ZNF200: variants seen among roughly 807,000 people sequenced by gnomAD.
ZNF200 encodes zinc finger protein 200.
A neutral mutation model predicts 33.6 loss-of-function variants in ZNF200; 35 were observed. The observed-to-expected ratio is 1.04, with a 90% confidence interval of 0.80 to 1.38. The LOEUF (loss-of-function observed/expected upper bound fraction) is 1.38, where lower values mean the gene tolerates loss of function less well. Among genes scored for constraint, ZNF200 ranks in the 40% most tolerant of loss-of-function variants. ZNF200 has a pLI of 0.00. For missense variants in ZNF200, 592 were observed against 470.6 expected, an observed-to-expected ratio of 1.26 and a Z score of -2.39; for synonymous variants, 209 against 167.7, an observed-to-expected ratio of 1.25 and a Z score of -1.90.
chr16:3,224,609 G>T lies in ZNF200; in HGVS notation c.471C>A (p.Val157=). The change falls in exon 5 of 5, where the codon GTC becomes GTA. Residue 157 remains valine, a synonymous_variant. Transcript: ENST00000414144. ...CTTCACCTTCAGGATTACTGCCATT[G>T]ACTGCTGAAACAAAGAGAGAATTTA... ...SSVGEMMLLA[V]NGSNPEGEDP... 1 of 1,586,990 alleles carries T rather than the reference G, an allele frequency of 6.3e-7. No homozygotes were observed. Among genetic ancestry groups the T allele is most frequent in the South Asian group, 1.1e-5 (1 of 88,148 alleles).
At chr16:3,232,768 A>G in intron 3 of ZNF200, 65 bp downstream of exon 3, 1 of 1,548,380 alleles carries the variant, frequency 6.5e-7, no homozygotes, top group Non-Finnish European at 8.9e-7. Context: ...ATGTGTTTTT[A>G]CACACAGGTT....
At chr16:3,233,170 G>C (rs919812428) in intron 2 of ZNF200, among the ~76,000 whole-genome samples, 3 of 152,286 alleles carry the variant, frequency 2.0e-5, no homozygotes, top group African/African-American at 4.8e-5. Context: ...CTAAAGGAGA[G>C]CTTAGGGCAA....
At chr16:3,232,065 G>A (rs1483825341) in intron 4 of ZNF200, among the ~76,000 whole-genome samples, 5 of 152,160 alleles carry the variant, frequency 3.3e-5, no homozygotes, top group Non-Finnish European at 7.4e-5. Flanking sequence ...ACATCAAAAA[G>A]GGGAGGGGGA....
In ZNF200 at chr16:3,223,596, C is replaced by A. The variant is rs1567214773; in HGVS notation, c.*296G>T. 3.7e-6 allele frequency: 1 copy of A among 272,474 alleles called. No homozygotes were observed. The highest frequency in any genetic ancestry group is 6.8e-6 in the Non-Finnish European group (1 of 146,536). 16.9% of individuals were successfully genotyped at this position (272,474 alleles called of 1,614,324 possible). Reference sequence around the variant, plus strand: ...CTTCCAAGTAAGCAGACTCCAGATTCATCTTCAAAGTGTTGGGAAAGGGGA... The same window carrying A: ...CTTCCAAGTAAGCAGACTCCAGATTAATCTTCAAAGTGTTGGGAAAGGGGA... On this transcript the variant is annotated 3_prime_UTR_variant, in exon 5 of 5. Coordinates refer to ENST00000414144, the MANE Select transcript of ZNF200 (RefSeq NM_198088.3).
At position 3,232,455 on chromosome 16, in the gene ZNF200, TTCC is replaced by T; in HGVS notation, c.429_431del (p.Glu144del). On this transcript the variant is annotated inframe_deletion, in exon 4 of 5. Coordinates refer to ENST00000414144, the MANE Select transcript of ZNF200 (RefSeq NM_198088.3). Reference sequence around the variant, plus strand: ...TCATTTCCCCGACACTGCTGTCATCTTCCTTCTCTGACGTGAGTTGTTGAGTAG... The same window carrying T: ...TCATTTCCCCGACACTGCTGTCATCTTTCTCTGACGTGAGTTGTTGAGTAG... The T allele has an allele frequency of 6.2e-7, 1 of 1,614,130 alleles. No individual in the cohort carries two copies. The highest frequency in any genetic ancestry group is 8.5e-7 in the Non-Finnish European group (1 of 1,179,966).
At position 3,224,488 on chromosome 16, in the gene ZNF200, C is replaced by T. The variant is rs149793470; in HGVS notation, c.592G>A (p.Asp198Asn). 84 of 1,614,114 alleles carry T rather than the reference C, an allele frequency of 5.2e-5. 1 individual carries two copies. Among genetic ancestry groups the T allele is most frequent in the South Asian group, 2.0e-4 (18 of 91,078 alleles). ...TTTAGTCGTTCCTTTTCCTGGTTATCGGGAGGCTGCTGAGAGACCAAGGAA... is the reference window on the plus strand; with the variant it reads ...TTTAGTCGTTCCTTTTCCTGGTTATTGGGAGGCTGCTGAGAGACCAAGGAA... ...DSSLVSQQPP[D>N]NQEKERLNTS... Residue 198 changes from aspartate to asparagine, a missense_variant, in exon 5 of 5, where the codon GAT becomes AAT. By Grantham distance (23) the Asp-to-Asn change is conservative. Coordinates refer to ENST00000414144, the MANE Select transcript of ZNF200 (RefSeq NM_198088.3).
In ZNF200 at chr16:3,235,095, C is replaced by A. The variant is rs980030544; in HGVS notation, c.-190G>T. 4 of 152,222 alleles carry A rather than the reference C, an allele frequency of 2.6e-5. No homozygotes were observed. The highest frequency in any genetic ancestry group is 4.4e-5 in the Non-Finnish European group (3 of 68,040). 9.4% of individuals were successfully genotyped at this position (152,222 alleles called of 1,614,324 possible). ...CGAGCGGTCGAGCCCTCCCCTCGCC[C>A]TTCCGAGTGCCCTCACAGGTCGCCG... is the stretch of plus-strand genomic sequence containing the variant. On this transcript the variant is annotated 5_prime_UTR_variant, in exon 1 of 5. The change creates a new upstream start codon in the 5' untranslated region. Transcript: ENST00000414144.
rs1958393135 is a variant in ZNF200 at position 3,223,875 on chromosome 16, A to C, written c.*17T>G. 2 of 1,590,928 alleles carry C rather than the reference A, an allele frequency of 1.3e-6. No individual in the cohort carries two copies. Among genetic ancestry groups the C allele is most frequent in the Non-Finnish European group, 1.7e-6 (2 of 1,168,764 alleles). ...AGGTTGAGGCAGCACCATCAGACCC[A>C]GAAAGGGTTCCCAGTATTACTTCTG... On this transcript the variant is annotated 3_prime_UTR_variant, in exon 5 of 5. Transcript: ENST00000414144.
chr16:3,232,324 C>T (rs1958656109), intron 4 of ZNF200, 97 bp downstream of exon 4: 3 of 1,369,818 alleles, frequency 2.2e-6, no homozygotes, highest in Non-Finnish European at 2.0e-6. Context: ...TGCACATAGG[C>T]TTACCAGGTG....
At chr16:3,232,206 C>G (rs1312653793) in intron 4 of ZNF200, among the ~76,000 whole-genome samples, 1 of 152,148 alleles carries the variant, frequency 6.6e-6, no homozygotes, top group Non-Finnish European at 1.5e-5. Flanking sequence ...TACCTCTCCC[C>G]TCACTGCCCC....
At position 3,223,145 on chromosome 16, in the gene ZNF200, C is replaced by T. The variant is rs1286408128; in HGVS notation, c.*747G>A. 1 of 152,246 alleles carries T rather than the reference C, an allele frequency of 6.6e-6. No homozygotes were observed. Among genetic ancestry groups the T allele is most frequent in the Non-Finnish European group, 1.5e-5 (1 of 68,082 alleles). 9.4% of individuals were successfully genotyped at this position (152,246 alleles called of 1,614,324 possible). A position where few individuals can be genotyped will look rare whatever the true frequency, so the allele number is the denominator to read the frequency against. On this transcript the variant is annotated 3_prime_UTR_variant, in exon 5 of 5. Coordinates refer to ENST00000414144, the MANE Select transcript of ZNF200 (RefSeq NM_198088.3). ...GATGGCCCTGCCTGAGTAATCCAAA[C>T]TTCTTTTAGCAAGGGAGAAGCATGA...
In ZNF200 at chr16:3,223,919, T is replaced by C. The variant is rs1452909685; in HGVS notation, c.1161A>G (p.Ser387=). Residue 387 remains serine, a synonymous_variant, in exon 5 of 5, where the codon TCA becomes TCG. Transcript: ENST00000414144. ...ACTTCTGCTTTCGGGTCTTACAGGC[T>C]GAGTGGGTTTTCTCATGCCGGGTAC... The part of the protein sequence containing the change: ...SNCTRHEKTH[S]ACKTRKQK The C allele has an allele frequency of 1.2e-6, 2 of 1,613,756 alleles. No homozygotes were observed. The highest frequency in any genetic ancestry group is 1.7e-6 in the Non-Finnish European group (2 of 1,179,828).
intron 4 of ZNF200, among the ~76,000 whole-genome samples, chr16:3,229,837 G>C (rs557051668): frequency 6.6e-6 from 1 of 151,520 alleles, no homozygotes; most frequent in South Asian, 2.1e-4. Flanking sequence ...CTGCACTCCA[G>C]CCTAGGTGAC....
In ZNF200 at chr16:3,232,283, A is replaced by T. The variant is rs1447192259; in HGVS notation, c.466+138T>A. 17 of 1,088,508 alleles carry T rather than the reference A, an allele frequency of 1.6e-5. No homozygotes were observed. The East Asian group carries it at 4.4e-4, about 28-fold the overall frequency. 67.4% of individuals were successfully genotyped at this position (1,088,508 alleles called of 1,614,324 possible). A position where few individuals can be genotyped will look rare whatever the true frequency, so the allele number is the denominator to read the frequency against. On this transcript the variant is annotated intron_variant, in intron 4 of 4. Transcript: ENST00000414144. ...TCTGTGGCAAGGCTCTGCTACATTG[A>T]ATAAAACAAAAGTAAAATAAAATGT... is the stretch of plus-strand genomic sequence containing the variant.
Position 3,233,551 on chromosome 16 carries a change from T to A in ZNF200, c.205A>T (p.Thr69Ser). ...CTCACATCTTTCATAATAACCAAGG[T>A]CTCCTTGACTTTCTGACTGGGCTGG... ...LVQPSQKVKE[T>S]LVIMKDVSSS... The change falls in exon 2 of 5, where the codon ACC (threonine) becomes TCC (serine). Residue 69 changes from threonine (T) to serine (S), a missense_variant. Physicochemically the swap from Thr to Ser is moderately conservative, Grantham distance 58 (BLOSUM62 1). Coordinates refer to ENST00000414144, the MANE Select transcript of ZNF200 (RefSeq NM_198088.3). The A allele has an allele frequency of 6.3e-7, 1 of 1,590,964 alleles. No homozygotes were observed. Among genetic ancestry groups the A allele is most frequent in the Non-Finnish European group, 8.6e-7 (1 of 1,169,516 alleles).
rs1426637394 is a variant in ZNF200 at position 3,223,207 on chromosome 16, C to G, written c.*685G>C. ...GAGAGATCAACAGCAGAACAAAATA[C>G]AATAAGAACAGTAGACACCTAAATT... On this transcript the variant is annotated 3_prime_UTR_variant, in exon 5 of 5. Transcript: ENST00000414144. 6.6e-6 allele frequency: 1 copy of G among 152,160 alleles called. No individual in the cohort carries two copies. The highest frequency in any genetic ancestry group is 1.5e-5 in the Non-Finnish European group (1 of 68,034). 9.4% of individuals were successfully genotyped at this position (152,160 alleles called of 1,614,324 possible). A position where few individuals can be genotyped will look rare whatever the true frequency, so the allele number is the denominator to read the frequency against.
chr16:3,233,441 G>C, intron 2 of ZNF200, 65 bp downstream of exon 2: 1 of 1,481,774 alleles, frequency 6.7e-7, no homozygotes, highest in Non-Finnish European at 8.9e-7. Flanking sequence ...AACTAACACA[G>C]AAACCTATCT....
chr16:3,223,710 T>C lies in ZNF200; in HGVS notation c.*182A>G. 2 of 937,852 alleles carry C rather than the reference T, an allele frequency of 2.1e-6. No individual in the cohort carries two copies. The highest frequency in any genetic ancestry group is 3.7e-5 in the South Asian group (2 of 54,706). The allele number at this position is 937,852 out of a possible 1,614,324, so 58.1% of individuals were successfully genotyped here. A position where few individuals can be genotyped will look rare whatever the true frequency, so the allele number is the denominator to read the frequency against. On this transcript the variant is annotated 3_prime_UTR_variant, in exon 5 of 5. Transcript: ENST00000414144. The stretch of plus-strand genomic sequence containing the variant: ...ATGCTGAGGTATAGCCCTTGAAATG[T>C]TTTCTTCCCTGTGAATTTTCTAGCA...
chr16:3,225,824 C>T (rs1037682263), intron 4 of ZNF200: 1 of 152,024 alleles, frequency 6.6e-6, no homozygotes, highest in Non-Finnish European at 1.5e-5. Context: ...AAATCAACCA[C>T]CAAGACATGG....
Sources: allele counts gnomAD v4.1 joint callset (sites outside exome capture counted in the v4.1 genomes callset), GRCh38; gene constraint gnomAD v4.1.1; transcripts MANE v1.5; gene names NCBI Gene and HGNC (gene_info 2026-07-23, HGNC 2026-07-21).